The following NELL1 variants were observed in gnomAD, a reference collection of about 807,000 sequenced individuals.
NELL1 encodes the protein neural EGFL like 1.
NELL1 carries 76 observed loss-of-function variants against 107.4 expected under a neutral mutation model. That is an observed-to-expected ratio of 0.71 (90% confidence interval 0.59 to 0.86). NELL1 has a LOEUF of 0.86. Among genes scored for constraint, NELL1 ranks in the 40% least tolerant of loss-of-function variants. The pLI, the probability that NELL1 is intolerant of heterozygous loss-of-function variation, is 0.00. For synonymous variants in NELL1, 353 were observed against 341.2 expected (o/e 1.03, Z -0.38); for missense variants, 1,024 against 1,005.5 (o/e 1.02, Z -0.25).
At chr11:20,955,386 C>G (rs993090239) in intron 11 of NELL1, among the ~76,000 whole-genome samples, 6 of 152,158 alleles carry the variant, frequency 3.9e-5, no homozygotes, top group Non-Finnish European at 1.5e-5. Context: ...TTTTCATAAC[C>G]AGGTTTTGCT....
chr11:21,290,253 C>T (rs1037161968), intron 14 of NELL1, among the ~76,000 whole-genome samples: 1 of 151,924 alleles, frequency 6.6e-6, no homozygotes, highest in South Asian at 2.1e-4. Flanking sequence ...CCTGTAGTCC[C>T]AGCTACTTGG....
chr11:21,094,489 G>A lies in NELL1; in HGVS notation c.1301-19100G>A, dbSNP rs111385922. 5.2e-3 allele frequency among the ~76,000 whole-genome samples: 786 copies of A among 152,334 alleles called. 9 individuals carry two copies. Among genetic ancestry groups the A allele is most frequent in the African/African-American group, 0.018 (757 of 41,570 alleles). On this transcript the variant is annotated intron_variant, in intron 12 of 19. Coordinates refer to ENST00000357134, the MANE Select transcript of NELL1 (RefSeq NM_006157.5). ...GTACCCCAGTAGGGTCTCTGTGTGG[G>A]GGCTCCAGCCCCATATTTCCCTTCC...
At chr11:20,943,556 C>T (rs1214324688) in intron 10 of NELL1, among the ~76,000 whole-genome samples, 2 of 151,826 alleles carry the variant, frequency 1.3e-5, no homozygotes, top group African/African-American at 2.4e-5. Context: ...GCACTCCAGC[C>T]TAGTGACAGT....
At chr11:21,214,923 A>G (rs988512522) in intron 13 of NELL1, among the ~76,000 whole-genome samples, 3 of 152,204 alleles carry the variant, frequency 2.0e-5, no homozygotes, top group Non-Finnish European at 2.9e-5. Flanking sequence ...AAATGAATAT[A>G]AATTAAAATG....
At chr11:20,819,550 G>A (rs1258948282) in intron 3 of NELL1, among the ~76,000 whole-genome samples, 7 of 152,330 alleles carry the variant, frequency 4.6e-5, no homozygotes, top group African/African-American at 1.4e-4. Context: ...CAACTGCAAT[G>A]TCTGTTTCTA....
intron 2 of NELL1, among the ~76,000 whole-genome samples, chr11:20,682,146 G>C (rs1426876902): frequency 6.6e-6 from 1 of 151,754 alleles, no homozygotes; most frequent in Admixed American, 6.6e-5. Context: ...AGCATTGTTG[G>C]GCATAAATAT....
intron 15 of NELL1, among the ~76,000 whole-genome samples, chr11:21,473,994 C>G (rs939704534): frequency 6.6e-6 from 1 of 151,992 alleles, no homozygotes; most frequent in Non-Finnish European, 1.5e-5. Flanking sequence ...AGTACTGTTA[C>G]GTACGAGGTA....
chr11:21,422,309 A>G (rs1852699274), intron 15 of NELL1, among the ~76,000 whole-genome samples: 1 of 152,222 alleles, frequency 6.6e-6, no homozygotes, highest in Non-Finnish European at 1.5e-5. Context: ...AAAGGTAAAT[A>G]TATGGGCAAT....
In NELL1 at chr11:21,296,404, T is replaced by C. The variant is rs568069574; in HGVS notation, c.1549+66950T>C. Among the ~76,000 whole-genome samples the C allele has an allele frequency of 1.5e-3, 218 of 144,226 alleles. 3 individuals are homozygous for C. In the South Asian group the frequency reaches 0.029, roughly 19 times the overall value. The allele number at this position is 144,226 out of a possible 152,430, so 94.6% of individuals were successfully genotyped here. ...TGTCATTGTTTAATTAGCTTGATTG[T>C]GATGACAATTCTGCATTATATGTAT... On this transcript the variant is annotated intron_variant, in intron 14 of 19. Coordinates refer to ENST00000357134, the MANE Select transcript of NELL1 (RefSeq NM_006157.5).
chr11:20,885,513 G>A lies in NELL1; in HGVS notation c.576G>A (p.Gln192=), dbSNP rs1353114411. The A allele has an allele frequency of 6.2e-6, 10 of 1,612,264 alleles. No homozygotes were observed. Among genetic ancestry groups the A allele is most frequent in the Non-Finnish European group, 8.5e-6 (10 of 1,178,352 alleles). The change falls in exon 5 of 20, where the codon CAG becomes CAA. Residue 192 remains glutamine (Q), a synonymous_variant. Transcript: ENST00000357134. Reference sequence around the variant, plus strand: ...CAGGAATCAATTTATGGCTTGGCCAGCGCAACCAAAAGCATGGCTTATTCA... The same window carrying A: ...CAGGAATCAATTTATGGCTTGGCCAACGCAACCAAAAGCATGGCTTATTCA... ...LPPGINLWLG[Q]RNQKHGLFKG... is the part of the protein sequence containing the mutation.
chr11:21,328,900 A>G (rs909845377), intron 14 of NELL1, among the ~76,000 whole-genome samples: 1 of 152,158 alleles, frequency 6.6e-6, no homozygotes, highest in Non-Finnish European at 1.5e-5. Flanking sequence ...TATTTACCCA[A>G]TGCCCATACC....
At chr11:21,420,265 C>T (rs190218681) in intron 15 of NELL1, among the ~76,000 whole-genome samples, 35 of 152,126 alleles carry the variant, frequency 2.3e-4, no homozygotes, top group African/African-American at 8.2e-4. Flanking sequence ...CTTAATAGTA[C>T]ATTAAATGAG....
chr11:21,378,934 T>C (rs1028846113), intron 15 of NELL1, among the ~76,000 whole-genome samples: 2 of 151,744 alleles, frequency 1.3e-5, no homozygotes, highest in Non-Finnish European at 2.9e-5. Flanking sequence ...GTCAGGAGGG[T>C]CTCAAACTCC....
chr11:21,169,945 C>G (rs1856567732), intron 13 of NELL1: 3 of 1,456,828 alleles, frequency 2.1e-6, no homozygotes, highest in Non-Finnish European at 2.9e-6. Flanking sequence ...GCGGCTGGAC[C>G]AAGAGCCCTC....
intron 2 of NELL1, among the ~76,000 whole-genome samples, chr11:20,739,703 C>T (rs1391855186): frequency 6.6e-6 from 1 of 152,128 alleles, no homozygotes; most frequent in Non-Finnish European, 1.5e-5. Flanking sequence ...TGGACATGTT[C>T]CCGCACTGCC....
intron 15 of NELL1, among the ~76,000 whole-genome samples, chr11:21,454,579 A>G (rs1489734073): frequency 6.6e-6 from 1 of 152,244 alleles, no homozygotes; most frequent in African/African-American, 2.4e-5. Context: ...AAAAATGAAA[A>G]AGAATACATC....
intron 14 of NELL1, among the ~76,000 whole-genome samples, chr11:21,288,930 A>G (rs967504502): frequency 1.3e-5 from 2 of 152,280 alleles, no homozygotes; most frequent in South Asian, 2.1e-4. Context: ...CCTCACAGCA[A>G]TGGCACCTGG....
At chr11:20,856,764 C>T (rs1848889074) in intron 4 of NELL1, among the ~76,000 whole-genome samples, 1 of 152,182 alleles carries the variant, frequency 6.6e-6, no homozygotes, top group African/African-American at 2.4e-5. Context: ...AGCATAACAC[C>T]ACGCTAAGGA....
At chr11:21,067,385 A>T (rs1019156153) in intron 12 of NELL1, among the ~76,000 whole-genome samples, 3 of 152,164 alleles carry the variant, frequency 2.0e-5, no homozygotes, top group Admixed American at 6.6e-5. Context: ...CTTGCATTTT[A>T]AAGTAGTGTT....
Sources: allele counts gnomAD v4.1 joint callset (sites outside exome capture counted in the v4.1 genomes callset), GRCh38; gene constraint gnomAD v4.1.1; transcripts MANE v1.5; gene names NCBI Gene and HGNC (gene_info 2026-07-23, HGNC 2026-07-21).